RAG2: variants seen among roughly 807,000 people sequenced by gnomAD.
RAG2 encodes V(D)J recombination-activating protein 2.
A neutral mutation model predicts 31.8 loss-of-function variants in RAG2; 16 were observed. The ratio of observed to expected loss-of-function variants is 0.50; its 90% CI spans 0.34 to 0.76. The LOEUF (loss-of-function observed/expected upper bound fraction) is 0.76. Among genes scored for constraint, RAG2 ranks in the 30% least tolerant of loss-of-function variants. The pLI is 0.01. For missense variants in RAG2, 622 were observed against 628.5 expected (o/e 0.99, Z 0.11); for synonymous variants, 199 against 215.9 (o/e 0.92, Z 0.68).
chr11:36,594,457 T>C (rs1195137930), intron 1 of RAG2: 2 of 437,466 alleles, frequency 4.6e-6, no homozygotes, highest in Admixed American at 3.7e-5. Flanking sequence ...CCGTAAAGAG[T>C]CACCATGCGT....
chr11:36,596,222 G>GT (rs67282079), intron 1 of RAG2, among the ~76,000 whole-genome samples: 25,384 of 118,020 alleles, frequency 0.22, 2,911 homozygotes, highest in East Asian at 0.58. Context: ...TTTTTTTTTT[G>GT]TTTTTTTTTT....
chr11:36,595,453 A>G (rs1851178301), intron 1 of RAG2, among the ~76,000 whole-genome samples: 1 of 152,224 alleles, frequency 6.6e-6, no homozygotes, highest in Middle Eastern at 3.2e-3. Flanking sequence ...TGTGCACCAA[A>G]TGTTAAAGGA....
rs1851033488 is a variant in RAG2 at position 36,592,294 on chromosome 11, T to C, written c.*291A>G. 1 of 394,020 alleles carries C rather than the reference T, an allele frequency of 2.5e-6. No homozygotes were observed. The highest frequency in any genetic ancestry group is 4.2e-5 in the Admixed American group (1 of 23,620). The allele number at this position is 394,020 out of a possible 1,614,324, so 24.4% of individuals were successfully genotyped here. On this transcript the variant is annotated 3_prime_UTR_variant, in exon 2 of 2. Transcript: ENST00000311485. The stretch of plus-strand genomic sequence containing the variant: ...ATAAACATACCTCGATGATTATTAC[T>C]GCTTCTGGGTGTTTAAGGTTTGTTG...
chr11:36,597,079 A>G (rs988236196), intron 1 of RAG2, among the ~76,000 whole-genome samples: 1 of 152,182 alleles, frequency 6.6e-6, no homozygotes, highest in Non-Finnish European at 1.5e-5. Context: ...CTCTTGTAAC[A>G]TGGTTCAAGT....
At chr11:36,591,302 C>T (rs888306624), downstream of RAG2, among the ~76,000 whole-genome samples, 1 of 152,080 alleles carries the variant, frequency 6.6e-6, no homozygotes, top group African/African-American at 2.4e-5. Flanking sequence ...TCATGTTTCC[C>T]GTAAATTTGT....
intron 1 of RAG2, among the ~76,000 whole-genome samples, chr11:36,596,900 A>G (rs1353908032): frequency 6.6e-6 from 1 of 152,202 alleles, no homozygotes; most frequent in Admixed American, 6.5e-5. Flanking sequence ...TTCTTGGGCA[A>G]GACATAAGGA....
intron 1 of RAG2, among the ~76,000 whole-genome samples, chr11:36,596,730 T>TA (rs1851278361): frequency 1.3e-5 from 2 of 152,232 alleles, no homozygotes; most frequent in African/African-American, 4.8e-5. Flanking sequence ...AGGCAAGCCA[T>TA]ACAGTGGTAA....
downstream of RAG2, among the ~76,000 whole-genome samples, chr11:36,591,384 TTAAGA>T (rs139408008): frequency 0.072 from 10,950 of 152,194 alleles, 435 homozygotes; most frequent in Middle Eastern, 0.082. Context: ...GCTGAAGCTC[TTAAGA>T]TAAGGTTTTT....
chr11:36,591,598 T>TAC (rs3084298), downstream of RAG2, among the ~76,000 whole-genome samples: 16,765 of 148,984 alleles, frequency 0.11, 986 homozygotes, highest in African/African-American at 0.16. Flanking sequence ...ACATGTTAAC[T>TAC]ACACACACAC....
Position 36,592,918 on chromosome 11 carries a change from A to T in RAG2, c.1251T>A (p.Ile417=), listed in dbSNP as rs748248673. The T allele has an allele frequency of 3.1e-6, 5 of 1,614,176 alleles. No homozygotes were observed. Among genetic ancestry groups the T allele is most frequent in the African/African-American group, 1.3e-5 (1 of 75,036 alleles). ...EEDESETGYW[I]TCCPTCDVDI... is the part of the protein sequence containing the mutation. ...CCACATCACAAGTAGGGCAGCATGTAATCCAGTAGCCTGTCTCAGACTCAT... is the reference window on the plus strand; with the variant it reads ...CCACATCACAAGTAGGGCAGCATGTTATCCAGTAGCCTGTCTCAGACTCAT... Residue 417 remains isoleucine, a synonymous_variant, in exon 2 of 2, where the codon ATT becomes ATA. Coordinates refer to ENST00000311485, the MANE Select transcript of RAG2 (RefSeq NM_000536.4).
In RAG2 at chr11:36,596,211, G is replaced by GTTTTTTTT. The variant is rs1243664769; in HGVS notation, c.-28+1883_-28+1890dup. 2.1e-4 allele frequency among the ~76,000 whole-genome samples: 21 copies of GTTTTTTTT among 101,112 alleles called. 1 individual carries two copies. The highest frequency in any genetic ancestry group is 3.5e-4 in the South Asian group (1 of 2,818). 66.3% of individuals were successfully genotyped at this position (101,112 alleles called of 152,430 possible). A position where few individuals can be genotyped will look rare whatever the true frequency, so the allele number is the denominator to read the frequency against. ...CTGGTCACTCTAATGAGATGGTAGT[G>GTTTTTTTT]TTTTTTTTTTGTTTTTTTTTTTTTT... On this transcript the variant is annotated intron_variant, in intron 1 of 1. Transcript: ENST00000311485.
In RAG2 at chr11:36,593,964, G is replaced by C. The variant is rs1390218087; in HGVS notation, c.205C>G (p.Leu69Val). The change falls in exon 2 of 2, where the codon CTC becomes GTC. Residue 69 changes from leucine (L) to valine (V), a missense_variant. Physicochemically the swap from Leu to Val is conservative, Grantham distance 32 (BLOSUM62 1). Transcript: ENST00000311485. ...PTIFSKDSCY[L>V]PPLRYPATCT... ...GTGGCTGGGTAGCGAAGAGGAGGGAGGTAGCAGGAATCCTTAGAGAAAATT... is the reference window on the plus strand; with the variant it reads ...GTGGCTGGGTAGCGAAGAGGAGGGACGTAGCAGGAATCCTTAGAGAAAATT... 1 of 1,614,214 alleles carries C rather than the reference G, an allele frequency of 6.2e-7. No homozygotes were observed. The highest frequency in any genetic ancestry group is 1.3e-5 in the African/African-American group (1 of 75,048).
chr11:36,593,743 A>G lies in RAG2; in HGVS notation c.426T>C (p.Ile142=). ...TTTTCCCTCGGCTGTACACCACATT[A>G]ATGGAATGACCATATCTGGCTTCAG... The part of the protein sequence containing the change: ...DVPEARYGHS[I]NVVYSRGKSM... Residue 142 remains isoleucine, a synonymous_variant, in exon 2 of 2, where the codon ATT becomes ATC. Coordinates refer to ENST00000311485, the MANE Select transcript of RAG2 (RefSeq NM_000536.4). The G allele has an allele frequency of 6.2e-7, 1 of 1,614,218 alleles. No individual in the cohort carries two copies.
chr11:36,592,222 C>T lies in RAG2; in HGVS notation c.*363G>A. ...TAATTTCTTTATTGGCTAAATTTGT[C>T]ATAAACACTTTATAGGTTATTTGTT... On this transcript the variant is annotated 3_prime_UTR_variant, in exon 2 of 2. Coordinates refer to ENST00000311485, the MANE Select transcript of RAG2 (RefSeq NM_000536.4). The T allele has an allele frequency of 4.5e-6, 1 of 223,040 alleles. No individual in the cohort carries two copies. Among genetic ancestry groups the T allele is most frequent in the Non-Finnish European group, 9.0e-6 (1 of 111,614 alleles). 13.8% of individuals were successfully genotyped at this position (223,040 alleles called of 1,614,324 possible).
In RAG2 at chr11:36,593,147, T is replaced by G; in HGVS notation, c.1022A>C (p.Glu341Ala). 1.2e-6 allele frequency: 2 copies of G among 1,614,182 alleles called. No individual in the cohort carries two copies. Among genetic ancestry groups the G allele is most frequent in the South Asian group, 2.2e-5 (2 of 91,078 alleles). The change falls in exon 2 of 2, where the codon GAA becomes GCA. Residue 341 changes from glutamate (E) to alanine (A), a missense_variant. Coordinates refer to ENST00000311485, the MANE Select transcript of RAG2 (RefSeq NM_000536.4). ...TTTCAACATATAGAAATAGAATCCTTCTGAAACAACTTGTTTATTGTCTCC... is the reference window on the plus strand; with the variant it reads ...TTTCAACATATAGAAATAGAATCCTGCTGAAACAACTTGTTTATTGTCTCC... ...IPGDNKQVVSEGFYFYMLKCA... is the reference protein window; with the variant it reads ...IPGDNKQVVSAGFYFYMLKCA...
In RAG2 at chr11:36,593,762, G is replaced by A. The variant is rs1851091277; in HGVS notation, c.407C>T (p.Ala136Val). The change falls in exon 2 of 2, where the codon GCC becomes GTC. Residue 136 changes from alanine to valine, a missense_variant. Ala to Val is a moderately conservative substitution (Grantham distance 64). Transcript: ENST00000311485. ...CACATTAATGGAATGACCATATCTGGCTTCAGGAACATCTCCTACCAAGTC... is the reference window on the plus strand; with the variant it reads ...CACATTAATGGAATGACCATATCTGACTTCAGGAACATCTCCTACCAAGTC... ...EKDLVGDVPE[A>V]RYGHSINVVY... 1.2e-6 allele frequency: 2 copies of A among 1,614,148 alleles called. No homozygotes were observed. The highest frequency in any genetic ancestry group is 1.7e-6 in the Non-Finnish European group (2 of 1,180,030).
Position 36,592,871 on chromosome 11 carries a change from A to G in RAG2, c.1298T>C (p.Phe433Ser). The G allele has an allele frequency of 6.2e-7, 1 of 1,614,118 alleles. No individual in the cohort carries two copies. The highest frequency in any genetic ancestry group is 8.5e-7 in the Non-Finnish European group (1 of 1,180,024). ...CDVDINTWVP[F>S]YSTELNKPAM... is the part of the protein sequence containing the mutation. ...GGGTTTGTTGAGCTCAGTTGAATAG[A>G]ATGGTACCCAAGTGTTGATATCCAC... The change falls in exon 2 of 2, where the codon TTC becomes TCC. Residue 433 changes from phenylalanine (F) to serine (S), a missense_variant. Transcript: ENST00000311485.
At chr11:36,591,626 C>CAG (rs10636125), downstream of RAG2, among the ~76,000 whole-genome samples, 3 of 151,458 alleles carry the variant, frequency 2.0e-5, no homozygotes, top group African/African-American at 7.3e-5. Context: ...CACACACACA[C>CAG]TCACACAAAT....
chr11:36,592,479 C>T lies in RAG2; in HGVS notation c.*106G>A. ...CTTAATTCATGTAACTAAAAGAAAA[C>T]ATAGGCATTTTAAATAAACAAAAAT... is the stretch of plus-strand genomic sequence containing the variant. On this transcript the variant is annotated 3_prime_UTR_variant, in exon 2 of 2. Coordinates refer to ENST00000311485, the MANE Select transcript of RAG2 (RefSeq NM_000536.4). 1 of 1,393,152 alleles carries T rather than the reference C, an allele frequency of 7.2e-7. No individual in the cohort carries two copies. The highest frequency in any genetic ancestry group is 9.7e-7 in the Non-Finnish European group (1 of 1,030,436). The allele number at this position is 1,393,152 out of a possible 1,614,324, so 86.3% of individuals were successfully genotyped here. A position where few individuals can be genotyped will look rare whatever the true frequency, so the allele number is the denominator to read the frequency against.
Sources: allele counts gnomAD v4.1 joint callset (sites outside exome capture counted in the v4.1 genomes callset), GRCh38; gene constraint gnomAD v4.1.1; transcripts MANE v1.5; gene names NCBI Gene and HGNC (gene_info 2026-07-23, HGNC 2026-07-21).